ITPK1: variants seen among roughly 807,000 people sequenced by gnomAD.
The protein encoded by ITPK1 is inositol 1,3,4-trisphosphate 5/6-kinase.
ITPK1 carries 21 observed loss-of-function variants against 45.3 expected under a neutral mutation model. The observed-to-expected ratio is 0.46, with a 90% confidence interval of 0.33 to 0.67. The LOEUF is 0.67. ITPK1 is among the 30% of genes least tolerant of loss of function. ITPK1 has a pLI of 0.02. For missense variants in ITPK1, 474 were observed against 573.5 expected, an observed-to-expected ratio of 0.83 and a Z score of 1.77; for synonymous variants, 258 against 253.6, an observed-to-expected ratio of 1.02 and a Z score of -0.16.
In ITPK1 at chr14:92,941,890, T is replaced by C. The variant is rs771938348; in HGVS notation, c.916A>G (p.Ser306Gly). Reference sequence around the variant, plus strand: ...TTCAGGAGGTCTGTGAAGAACTCGCTCACGCCCTCGTAGCCTGGGGGTGGG... The same window carrying C: ...TTCAGGAGGTCTGTGAAGAACTCGCCCACGCCCTCGTAGCCTGGGGGTGGG... ...INAFPGYEGV[S>G]EFFTDLLNHI... is the part of the protein sequence containing the mutation. Residue 306 changes from serine to glycine, a missense_variant, in exon 11 of 11, where the codon AGC becomes GGC. By Grantham distance (56) the Ser-to-Gly change is moderately conservative. Around this residue, in one of 2 missense-constraint regions of ITPK1, gnomAD observed 367 missense variants for 480.6 expected, o/e 0.76. Coordinates refer to ENST00000267615, the MANE Select transcript of ITPK1 (RefSeq NM_014216.6). 119 of 1,612,000 alleles carry C rather than the reference T, an allele frequency of 7.4e-5. No individual in the cohort carries two copies. The highest frequency in any genetic ancestry group is 9.9e-5 in the Non-Finnish European group (117 of 1,179,816).
chr14:93,002,430 G>A (rs564124217), intron 4 of ITPK1, among the ~76,000 whole-genome samples: 16 of 152,334 alleles, frequency 1.1e-4, no homozygotes, highest in African/African-American at 3.8e-4. Flanking sequence ...TGGCCAAGAT[G>A]GAGTCTGAAC....
At chr14:93,087,451 C>T (rs550718249) in intron 2 of ITPK1, among the ~76,000 whole-genome samples, 6 of 152,356 alleles carry the variant, frequency 3.9e-5, no homozygotes, top group African/African-American at 1.4e-4. Flanking sequence ...GAGTTTGATG[C>T]TGCAGTGCGT....
At chr14:92,984,179 G>A (rs1421166089) in intron 5 of ITPK1, among the ~76,000 whole-genome samples, 1 of 152,236 alleles carries the variant, frequency 6.6e-6, no homozygotes, top group African/African-American at 2.4e-5. Flanking sequence ...AAGTGAGGCT[G>A]GAGTTAAACA....
chr14:93,044,716 G>A (rs892873466), intron 3 of ITPK1, among the ~76,000 whole-genome samples: 7 of 152,202 alleles, frequency 4.6e-5, no homozygotes, highest in South Asian at 4.1e-4. Flanking sequence ...ACAGCAACAC[G>A]GCAGAGAGGG....
Position 93,115,165 on chromosome 14 carries a change from T to C in ITPK1, c.-2A>G. 3 of 1,592,624 alleles carry C rather than the reference T, an allele frequency of 1.9e-6. No individual in the cohort carries two copies. The highest frequency in any genetic ancestry group is 1.7e-5 in the Admixed American group (1 of 59,094). Reference sequence around the variant, plus strand: ...CTTCCCTTTCAGAAAGGTCTGCATCTTCCTCCTCGGGCGGGGAGCCTGGGT... The same window carrying C: ...CTTCCCTTTCAGAAAGGTCTGCATCCTCCTCCTCGGGCGGGGAGCCTGGGT... On this transcript the variant is annotated 5_prime_UTR_variant, in exon 2 of 11. Transcript: ENST00000267615.
intron 5 of ITPK1, among the ~76,000 whole-genome samples, chr14:92,985,500 T>C (rs1299555373): frequency 6.6e-6 from 1 of 151,788 alleles, no homozygotes; most frequent in East Asian, 1.9e-4. Context: ...AACTTTATTA[T>C]AATAAATCTA....
rs1255268549 is a variant in ITPK1, at chr14:92,939,909, G to A, written c.*1652C>T. The A allele has an allele frequency of 2.0e-6, 2 of 985,760 alleles. No individual in the cohort carries two copies. Among genetic ancestry groups the A allele is most frequent in the Non-Finnish European group, 2.4e-6 (2 of 829,962 alleles). 61.1% of individuals were successfully genotyped at this position (985,760 alleles called of 1,614,324 possible). ...ATTTTGGAGACAAAGCAGTGCAAGA[G>A]GCCAGCCACGCTTTCCTGTTCCCCA... On this transcript the variant is annotated 3_prime_UTR_variant, in exon 11 of 11. Transcript: ENST00000267615.
At chr14:92,952,152 A>G in intron 8 of ITPK1, 139 bp from the exon 9 acceptor site, 2 of 691,868 alleles carry the variant, frequency 2.9e-6, no homozygotes, top group Admixed American at 2.3e-5. Flanking sequence ...GGCTCCAGCA[A>G]GCTGGGCACC....
At chr14:92,951,042 C>T (rs1887932054) in intron 9 of ITPK1, among the ~76,000 whole-genome samples, 1 of 152,228 alleles carries the variant, frequency 6.6e-6, no homozygotes, top group South Asian at 2.1e-4. Context: ...CCCCGAGGGA[C>T]ACGAGCACTG....
chr14:92,991,421 C>G (rs1262536756), intron 5 of ITPK1, among the ~76,000 whole-genome samples: 1 of 152,044 alleles, frequency 6.6e-6, no homozygotes, highest in Non-Finnish European at 1.5e-5. Flanking sequence ...CCCACCCACC[C>G]TACACTTCCT....
intron 3 of ITPK1, among the ~76,000 whole-genome samples, chr14:93,048,179 G>A (rs1889861257): frequency 6.6e-6 from 1 of 152,292 alleles, no homozygotes; most frequent in Admixed American, 6.5e-5. Context: ...GGTGCCCAAC[G>A]GTCATCCTTT....
chr14:93,095,828 ATAAG>A (rs894663334), intron 2 of ITPK1, among the ~76,000 whole-genome samples: 10 of 151,442 alleles, frequency 6.6e-5, no homozygotes, highest in African/African-American at 1.7e-4. Context: ...GTTCCCATCT[ATAAG>A]TAAGAACATG....
intron 3 of ITPK1, chr14:93,067,468 G>A (rs1434790580): frequency 6.6e-6 from 1 of 151,920 alleles, no homozygotes; most frequent in Non-Finnish European, 1.5e-5. Flanking sequence ...GTGCATCAAA[G>A]GCTGGAGAAA....
At position 92,970,007 on chromosome 14, in the gene ITPK1, G is replaced by A. The variant is rs142474753; in HGVS notation, c.365-7158C>T. Reference sequence around the variant, plus strand: ...GGAAGGAACTAGTTCAAGGCCACACGAGTTACCAGCAGAGCCAGAAAAAGG... The same window carrying A: ...GGAAGGAACTAGTTCAAGGCCACACAAGTTACCAGCAGAGCCAGAAAAAGG... On this transcript the variant is annotated intron_variant, in intron 5 of 10. Transcript: ENST00000267615. 4.6e-3 allele frequency among the ~76,000 whole-genome samples: 696 copies of A among 152,246 alleles called. 5 individuals are homozygous for A. The highest frequency in any genetic ancestry group is 0.016 in the African/African-American group (661 of 41,534).
chr14:93,078,492 G>A (rs923881380), intron 2 of ITPK1, among the ~76,000 whole-genome samples: 1 of 152,120 alleles, frequency 6.6e-6, no homozygotes, highest in South Asian at 2.1e-4. Flanking sequence ...CCTGGGCCCC[G>A]AGGAATCCAG....
chr14:93,039,253 A>C lies in ITPK1; in HGVS notation c.121-22452T>G, dbSNP rs577344741. Among the ~76,000 whole-genome samples, 3 of 152,166 alleles carry C rather than the reference A, an allele frequency of 2.0e-5. No homozygotes were observed. The South Asian group carries it at 6.2e-4, about 32-fold the overall frequency. On this transcript the variant is annotated intron_variant, in intron 3 of 10. Transcript: ENST00000267615. Reference sequence around the variant, plus strand: ...CTCTCCTATTTGCTCCATGCTCACCATACCCAGAAACACCCCCCACCTCCT... The same window carrying C: ...CTCTCCTATTTGCTCCATGCTCACCCTACCCAGAAACACCCCCCACCTCCT...
chr14:93,060,724 A>G (rs769844928), intron 3 of ITPK1, among the ~76,000 whole-genome samples: 2 of 152,162 alleles, frequency 1.3e-5, no homozygotes, highest in Non-Finnish European at 2.9e-5. Flanking sequence ...GAGTAGAAAG[A>G]GCCTAGGCCA....
chr14:93,114,317 T>TGGTG (rs1190341240), intron 2 of ITPK1, among the ~76,000 whole-genome samples: 1 of 152,204 alleles, frequency 6.6e-6, no homozygotes, highest in Admixed American at 6.5e-5. Flanking sequence ...AGCACCAGCA[T>TGGTG]GGTGGGAGCA....
intron 4 of ITPK1, among the ~76,000 whole-genome samples, chr14:93,011,862 T>A (rs1017867569): frequency 3.9e-5 from 6 of 152,090 alleles, no homozygotes; most frequent in African/African-American, 1.4e-4. Context: ...TATCTGATCA[T>A]ATCACCGCCA....
Sources: gnomAD v4.1 joint callset for allele counts (sites outside exome capture counted in the v4.1 genomes callset) on GRCh38, gnomAD v4.1.1 for gene constraint, gnomAD v4.1.1 regional missense constraint, MANE v1.5 for transcripts, NCBI Gene and HGNC (gene_info 2026-07-23, HGNC 2026-07-21) for gene names.